The following DPP4 variants were observed in gnomAD, a reference collection of about 807,000 sequenced individuals.
The protein encoded by DPP4 is ADCP-2.
In DPP4, 93 loss-of-function variants were observed where a neutral mutation model predicts 122.4. The observed-to-expected ratio is 0.76, with a 90% CI of 0.64 to 0.90. DPP4 has a LOEUF of 0.90. DPP4 is among the 40% of genes least tolerant of loss of function. DPP4 has a pLI of 0.00. For missense variants in DPP4, 914 were observed against 907.3 expected, an observed-to-expected ratio of 1.01 and a Z score of -0.09; for synonymous variants, 321 against 302.9, an observed-to-expected ratio of 1.06 and a Z score of -0.62.
chr2:162,069,311 C>G (rs948539429), intron 2 of DPP4, among the ~76,000 whole-genome samples: 1 of 152,194 alleles, frequency 6.6e-6, no homozygotes, highest in Admixed American at 6.5e-5. Context: ...TGCATGCCTT[C>G]TCTTCCTCAA....
At chr2:162,033,862 G>GTATATATATA (rs138320647) in intron 9 of DPP4, among the ~76,000 whole-genome samples, 7,191 of 103,372 alleles carry the variant, frequency 0.07, 337 homozygotes, top group Middle Eastern at 0.089. Context: ...CAGAATATGT[G>GTATATATATA]TATATATATA....
At chr2:162,073,632 C>T (rs1342685863) in intron 1 of DPP4, 146 bp from the exon 2 acceptor site, 8 of 761,612 alleles carry the variant, frequency 1.1e-5, no homozygotes, top group South Asian at 9.7e-5. Context: ...GTGGGGGTGG[C>T]GTCTGGAGTG....
intron 8 of DPP4, among the ~76,000 whole-genome samples, chr2:162,036,696 A>G (rs184599652): frequency 6.6e-6 from 1 of 152,258 alleles, no homozygotes; most frequent in Admixed American, 6.5e-5. Flanking sequence ...TCACTGATCT[A>G]TACACTCTTA....
intron 4 of DPP4, 74 bp from the exon 5 acceptor site, chr2:162,045,686 G>A (rs1013298663): frequency 1.0e-5 from 11 of 1,073,076 alleles, no homozygotes; most frequent in Non-Finnish European, 1.4e-5. Flanking sequence ...TACTTCATAG[G>A]GGGTACTGTT....
At chr2:162,025,898 C>T (rs894368019) in intron 10 of DPP4, among the ~76,000 whole-genome samples, 5 of 152,132 alleles carry the variant, frequency 3.3e-5, no homozygotes, top group Admixed American at 6.5e-5. Context: ...ACACAATCCA[C>T]TTGCCCTCTC....
intron 16 of DPP4, among the ~76,000 whole-genome samples, 173 bp downstream of exon 16, chr2:162,018,556 C>A (rs910867742): frequency 7.9e-5 from 12 of 152,310 alleles, no homozygotes; most frequent in East Asian, 7.7e-4. Flanking sequence ...CTATGCAAGT[C>A]TCTCAGTGAT....
chr2:162,010,318 G>A (rs932807139), intron 20 of DPP4, among the ~76,000 whole-genome samples: 15 of 151,994 alleles, frequency 9.9e-5, no homozygotes, highest in African/African-American at 3.4e-4. Flanking sequence ...CTTTGCAAAG[G>A]GACAAAAGGA....
chr2:162,056,358 G>GAAAACAT (rs1453030807), intron 2 of DPP4, among the ~76,000 whole-genome samples: 2 of 152,296 alleles, frequency 1.3e-5, no homozygotes, highest in East Asian at 3.9e-4. Context: ...GTTGTTGAAT[G>GAAAACAT]AAAACATAAA....
chr2:162,001,117 C>T (rs911042276), intron 23 of DPP4, among the ~76,000 whole-genome samples: 4 of 152,180 alleles, frequency 2.6e-5, no homozygotes, highest in African/African-American at 9.7e-5. Flanking sequence ...TGCCCTCTCT[C>T]CCTTTTCTAA....
At chr2:162,018,996 A>C in intron 15 of DPP4, 146 bp from the exon 16 acceptor site, 1 of 1,046,698 alleles carries the variant, frequency 9.6e-7, no homozygotes, top group Non-Finnish European at 1.4e-6. Flanking sequence ...AAATAAATAC[A>C]TGAATTAATA....
At chr2:162,042,152 C>A (rs755937039) in intron 5 of DPP4, among the ~76,000 whole-genome samples, 22 of 152,214 alleles carry the variant, frequency 1.4e-4, no homozygotes, top group Non-Finnish European at 2.9e-4. Flanking sequence ...TGGATTCAGG[C>A]TTTCACTGTG....
intron 2 of DPP4, among the ~76,000 whole-genome samples, chr2:162,066,871 C>G (rs797012933): frequency 6.6e-6 from 1 of 152,090 alleles, no homozygotes; most frequent in Non-Finnish European, 1.5e-5. Flanking sequence ...GTTACGGAAA[C>G]GAATAGAGCA....
rs1369653561 is a variant in DPP4 at position 162,019,269 on chromosome 2, T to C, written c.1252A>G (p.Ile418Val). The C allele has an allele frequency of 6.4e-7, 1 of 1,552,324 alleles. No individual in the cohort carries two copies. The highest frequency in any genetic ancestry group is 8.8e-7 in the Non-Finnish European group (1 of 1,130,566). Residue 418 changes from isoleucine to valine, a missense_variant, in exon 15 of 26, where the codon ATT becomes GTT. Physicochemically the swap from Ile to Val is conservative, Grantham distance 29. Transcript: ENST00000360534. ...GGCATTCCTTTATATTCATTACTAA[T>C]GTAGTATCTAGGAAGAGAAAAAAAT... ...EALTSDYLYY[I>V]SNEYKGMPGG... is the part of the protein sequence containing the mutation.
At chr2:162,011,439 G>A (rs1682703654) in intron 20 of DPP4, among the ~76,000 whole-genome samples, 1 of 152,094 alleles carries the variant, frequency 6.6e-6, no homozygotes, top group African/African-American at 2.4e-5. Flanking sequence ...GAATGGGCTT[G>A]GCTTGTTTAG....
Position 161,993,340 on chromosome 2 carries a change from G to C in DPP4, c.2244C>G (p.His748Gln). 1.2e-6 allele frequency: 2 copies of C among 1,613,734 alleles called. No individual in the cohort carries two copies. Among genetic ancestry groups the C allele is most frequent in the Non-Finnish European group, 1.7e-6 (2 of 1,179,808 alleles). Reference sequence around the variant, plus strand: ...GGCTCATGTGGGTATATATATGTTGGTGTGCTGTGCTGCTAGCTATTCCAT... The same window carrying C: ...GGCTCATGTGGGTATATATATGTTGCTGTGCTGTGCTGCTAGCTATTCCAT... ...EDHGIASSTA[H>Q]QHIYTHMSHF... Residue 748 changes from histidine (H) to glutamine (Q), a missense_variant, in exon 26 of 26, where the codon CAC becomes CAG. Physicochemically the swap from His to Gln is conservative, Grantham distance 24. Transcript: ENST00000360534.
At chr2:162,001,608 G>A (rs771739908) in intron 23 of DPP4, among the ~76,000 whole-genome samples, 15 of 152,154 alleles carry the variant, frequency 9.9e-5, no homozygotes, top group Non-Finnish European at 1.8e-4. Context: ...AGTCTACCAC[G>A]TTAACATTTT....
At chr2:162,073,373 A>G (rs1685186279) in intron 2 of DPP4, 26 bp downstream of exon 2, 2 of 1,612,564 alleles carry the variant, frequency 1.2e-6, no homozygotes, top group Non-Finnish European at 1.7e-6. Flanking sequence ...CAACTGTCCT[A>G]TCTTTTTCAA....
chr2:162,063,875 G>A (rs182639522), intron 2 of DPP4, among the ~76,000 whole-genome samples: 1 of 152,106 alleles, frequency 6.6e-6, no homozygotes, highest in Non-Finnish European at 1.5e-5. Context: ...AGACACTACT[G>A]TATGTTCATG....
intron 5 of DPP4, among the ~76,000 whole-genome samples, chr2:162,042,621 TA>T (rs777356455): frequency 0.019 from 2,703 of 139,488 alleles, 28 homozygotes; most frequent in South Asian, 0.058. Context: ...CTCTTGAAAG[TA>T]AAAAAAAAAA....
Sources: gnomAD v4.1 joint callset for allele counts (sites outside exome capture counted in the v4.1 genomes callset) on GRCh38, gnomAD v4.1.1 for gene constraint, MANE v1.5 for transcripts, NCBI Gene and HGNC (gene_info 2026-07-23, HGNC 2026-07-21) for gene names.